FNIP1: variants seen among roughly 807,000 people sequenced by gnomAD.
The protein encoded by FNIP1 is folliculin-interacting protein 1.
FNIP1 carries 40 observed loss-of-function variants against 124.5 expected under a neutral mutation model. The observed-to-expected ratio is 0.32, with a 90% CI of 0.25 to 0.42. The LOEUF (loss-of-function observed/expected upper bound fraction) is 0.42, where lower values mean the gene tolerates loss of function less well. Ranked by LOEUF, FNIP1 falls within the 10% of genes least tolerant of loss-of-function variation. The probability of loss-of-function intolerance (pLI) is 1.00; values close to 1 mark genes in which losing one functional copy is unlikely to be tolerated. For synonymous variants in FNIP1, 472 were observed against 470.6 expected (o/e 1.00, Z -0.04); for missense variants, 1,176 against 1,403.7 (o/e 0.84, Z 2.59).
chr5:131,762,872 C>T (rs1221604165), intron 1 of FNIP1, among the ~76,000 whole-genome samples: 2 of 152,166 alleles, frequency 1.3e-5, no homozygotes, highest in Non-Finnish European at 2.9e-5. Context: ...GATATCCTGT[C>T]ATTTGCAACA....
intron 3 of FNIP1, among the ~76,000 whole-genome samples, chr5:131,720,138 A>G (rs1393371434): frequency 6.6e-6 from 1 of 152,178 alleles, no homozygotes; most frequent in Non-Finnish European, 1.5e-5. Context: ...TAAGGTACTG[A>G]CATTAAGACA....
chr5:131,659,825 G>A (rs1017614188), intron 15 of FNIP1, among the ~76,000 whole-genome samples: 10 of 152,190 alleles, frequency 6.6e-5, no homozygotes, highest in African/African-American at 2.4e-4. Flanking sequence ...TGCTCCTTGG[G>A]AGCCACATGC....
At chr5:131,769,285 G>A (rs896037356) in intron 1 of FNIP1, among the ~76,000 whole-genome samples, 1 of 152,008 alleles carries the variant, frequency 6.6e-6, no homozygotes, top group Non-Finnish European at 1.5e-5. Context: ...TAATAATTAA[G>A]GTTATTATCA....
chr5:131,709,318 C>G, intron 7 of FNIP1, 46 bp from the exon 8 acceptor site: 1 of 1,510,260 alleles, frequency 6.6e-7, no homozygotes, highest in Non-Finnish European at 9.2e-7. Context: ...TATTGCTATT[C>G]AGGTGGATGA....
chr5:131,682,509 G>A (rs768571996), intron 11 of FNIP1, among the ~76,000 whole-genome samples: 1 of 151,938 alleles, frequency 6.6e-6, no homozygotes, highest in African/African-American at 2.4e-5. Flanking sequence ...ACCTGAGGTT[G>A]AGAGTTCAAG....
chr5:131,738,788 C>G (rs1770406540), intron 2 of FNIP1, among the ~76,000 whole-genome samples: 1 of 151,508 alleles, frequency 6.6e-6, no homozygotes, highest in African/African-American at 2.4e-5. Flanking sequence ...TGTGGGATTA[C>G]AGGCATGAGC....
At chr5:131,689,283 G>C (rs564679197) in intron 11 of FNIP1, among the ~76,000 whole-genome samples, 97 of 152,198 alleles carry the variant, frequency 6.4e-4, no homozygotes, top group Non-Finnish European at 9.1e-4. Context: ...TGACAGATTT[G>C]ATGGCAGAAA....
intron 1 of FNIP1, among the ~76,000 whole-genome samples, chr5:131,747,691 G>A (rs912490750): frequency 2.6e-5 from 4 of 152,152 alleles, no homozygotes; most frequent in African/African-American, 9.7e-5. Flanking sequence ...GGAATAAAGA[G>A]TACAGAGGTC....
chr5:131,699,916 CAAA>C (rs3033727), intron 10 of FNIP1, among the ~76,000 whole-genome samples: 4 of 93,708 alleles, frequency 4.3e-5, no homozygotes, highest in Non-Finnish European at 6.3e-5. Context: ...AAGACTGTTT[CAAA>C]AAAAAAAAAA....
At chr5:131,764,553 T>C (rs1016068) in intron 1 of FNIP1, among the ~76,000 whole-genome samples, 119,122 of 151,874 alleles carry the variant, frequency 0.78, 46,959 homozygotes, top group African/African-American at 0.83. Flanking sequence ...AGTCTGTCCA[T>C]CTCAGCCTCC....
intron 16 of FNIP1, among the ~76,000 whole-genome samples, chr5:131,648,385 T>A (rs899833034): frequency 6.6e-6 from 1 of 151,856 alleles, no homozygotes; most frequent in Non-Finnish European, 1.5e-5. Context: ...AAATAGGTGA[T>A]TTATCATGTG....
intron 1 of FNIP1, among the ~76,000 whole-genome samples, chr5:131,786,571 T>C (rs1162058645): frequency 2.6e-5 from 4 of 152,240 alleles, no homozygotes; most frequent in Non-Finnish European, 5.9e-5. Context: ...TAGAGTGCTA[T>C]AGTTTGAATG....
chr5:131,737,145 T>TC (rs1236188484), intron 2 of FNIP1, among the ~76,000 whole-genome samples: 1 of 152,232 alleles, frequency 6.6e-6, no homozygotes, highest in Non-Finnish European at 1.5e-5. Context: ...GAACCCTTTT[T>TC]CCTACAATTC....
chr5:131,792,864 T>G (rs992632540), intron 1 of FNIP1, among the ~76,000 whole-genome samples: 2 of 146,878 alleles, frequency 1.4e-5, no homozygotes, highest in African/African-American at 2.5e-5. Context: ...ATCCAAAAAA[T>G]TCCACAATCC....
At chr5:131,655,753 A>AC (rs1380437341) in intron 15 of FNIP1, among the ~76,000 whole-genome samples, 2 of 10,344 alleles carry the variant, frequency 1.9e-4, no homozygotes, top group East Asian at 1.7e-3. Context: ...CTAAAAATAC[A>AC]AAAAAAAAAA....
intron 2 of FNIP1, among the ~76,000 whole-genome samples, chr5:131,732,444 AG>A (rs763664073): frequency 9.9e-5 from 15 of 152,214 alleles, no homozygotes; most frequent in Non-Finnish European, 2.9e-5. Context: ...GTTTTCTTCT[AG>A]GGTTTTTATG....
intron 3 of FNIP1, among the ~76,000 whole-genome samples, chr5:131,722,084 A>G (rs553022833): frequency 6.6e-6 from 1 of 152,328 alleles, no homozygotes; most frequent in East Asian, 1.9e-4. Context: ...TAATTTTTAT[A>G]CTTAAAAGAT....
chr5:131,657,736 C>CAAAAAA lies in FNIP1; in HGVS notation c.3109-5743_3109-5738dup, dbSNP rs59097834. Among the ~76,000 whole-genome samples, 22 of 65,036 alleles carry CAAAAAA rather than the reference C, an allele frequency of 3.4e-4. 2 individuals carry two copies. The highest frequency in any genetic ancestry group is 2.4e-3 in the South Asian group (3 of 1,238). 42.7% of individuals were successfully genotyped at this position (65,036 alleles called of 152,430 possible). A position where few individuals can be genotyped will look rare whatever the true frequency, so the allele number is the denominator to read the frequency against. ...ATGATGAAAGAGCTTGAAAATAAGG[C>CAAAAAA]AAAAAAAAAAAAAAAAAAAAAACGG... On this transcript the variant is annotated intron_variant, in intron 15 of 17. Transcript: ENST00000510461.
At chr5:131,741,497 C>T (rs1333876891) in intron 2 of FNIP1, among the ~76,000 whole-genome samples, 1 of 152,160 alleles carries the variant, frequency 6.6e-6, no homozygotes, top group Non-Finnish European at 1.5e-5. Context: ...ATTAAATATA[C>T]TCTACATACA....
Sources: allele counts gnomAD v4.1 joint callset (sites outside exome capture counted in the v4.1 genomes callset), GRCh38; gene constraint gnomAD v4.1.1; transcripts MANE v1.5; gene names NCBI Gene and HGNC (gene_info 2026-07-23, HGNC 2026-07-21).